UNKL: variants seen among roughly 807,000 people sequenced by gnomAD.
UNKL encodes unk like zinc finger.
UNKL carries 60 observed loss-of-function variants against 78.0 expected under a neutral mutation model. The ratio of observed to expected loss-of-function variants is 0.77; its 90% CI spans 0.63 to 0.95. The LOEUF (loss-of-function observed/expected upper bound fraction) is 0.95. Ranked by LOEUF, UNKL falls within the 40% of genes least tolerant of loss-of-function variation. UNKL has a pLI of 0.00. For missense variants in UNKL, 1,159 were observed against 1,045.7 expected (o/e 1.11, Z -1.49); for synonymous variants, 608 against 474.8 (o/e 1.28, Z -3.65).
chr16:1,364,025 G>C lies in UNKL; in HGVS notation c.*2215C>G, dbSNP rs921156897. On this transcript the variant is annotated 3_prime_UTR_variant, in exon 15 of 15. Transcript: ENST00000389221. ...ACCACTGACAACCGGGAGATGTCTCGGCAGACACCACTTATCCCAGAAAAG... is the reference window on the plus strand; with the variant it reads ...ACCACTGACAACCGGGAGATGTCTCCGCAGACACCACTTATCCCAGAAAAG... 6.6e-6 allele frequency: 1 copy of C among 152,148 alleles called. No homozygotes were observed. Among genetic ancestry groups the C allele is most frequent in the South Asian group, 2.1e-4 (1 of 4,830 alleles). The allele number at this position is 152,148 out of a possible 1,614,324, so 9.4% of individuals were successfully genotyped here.
rs2037617782 is a variant in UNKL at position 1,403,383 on chromosome 16, G to T, written c.288-39C>A. On this transcript the variant is annotated intron_variant, in intron 2 of 14. Coordinates refer to ENST00000389221, the MANE Select transcript of UNKL (RefSeq NM_001372107.1). The surrounding 1 kb of genome is among the most constrained non-coding windows in gnomAD (Gnocchi z 4.8). ...AGGCACGCAATGCCTGGTTATCATG[G>T]ACCCAGAGGCAGCCCTAAGCTCCCT... 7 of 1,596,694 alleles carry T rather than the reference G, an allele frequency of 4.4e-6. No homozygotes were observed. The African/African-American group carries it at 8.0e-5, about 18-fold the overall frequency.
At chr16:1,371,040 G>A (rs1305611588) in intron 11 of UNKL, among the ~76,000 whole-genome samples, 21 of 141,534 alleles carry the variant, frequency 1.5e-4, no homozygotes, top group Non-Finnish European at 2.7e-4. Context: ...CGGAGATCGC[G>A]CCACTGCACT....
intron 10 of UNKL, among the ~76,000 whole-genome samples, chr16:1,383,086 G>A (rs555860030): frequency 5.8e-5 from 8 of 137,148 alleles, no homozygotes; most frequent in Non-Finnish European, 1.2e-4. Context: ...GGTAAAACCC[G>A]ATCTCTACTA....
At chr16:1,367,381 A>ACCTCAC in intron 13 of UNKL, 32 bp from the exon 14 acceptor site, 2 of 1,482,098 alleles carry the variant, frequency 1.3e-6, no homozygotes, top group African/African-American at 1.7e-5. Flanking sequence ...AGCACCCCCC[A>ACCTCAC]CCTCACCTGT....
At chr16:1,413,297 G>A (rs954177528) in intron 2 of UNKL, among the ~76,000 whole-genome samples, 1 of 138,380 alleles carries the variant, frequency 7.2e-6, no homozygotes. Context: ...GGCCGGGTAC[G>A]GTGGCTCATG....
At chr16:1,412,421 G>A (rs1253350674) in intron 2 of UNKL, among the ~76,000 whole-genome samples, 1 of 152,062 alleles carries the variant, frequency 6.6e-6, no homozygotes, top group East Asian at 1.9e-4. Context: ...GACCAGCCTC[G>A]CCAACATGGC....
At chr16:1,368,059 AC>A in intron 12 of UNKL, 4 of 537,404 alleles carry the variant, frequency 7.4e-6, no homozygotes, top group South Asian at 2.7e-5. Flanking sequence ...TGACAGTGAC[AC>A]CTGCCCCGGC....
intron 10 of UNKL, among the ~76,000 whole-genome samples, chr16:1,379,938 CCTGCAG>C (rs1355299546): frequency 6.6e-6 from 1 of 152,204 alleles, no homozygotes; most frequent in Non-Finnish European, 1.5e-5. Flanking sequence ...CCCACCTGCA[CCTGCAG>C]CTGCTCCGGG....
Position 1,387,306 on chromosome 16 carries a change from G to A in UNKL, c.1087-1921C>T, listed in dbSNP as rs184975484. ...GAGCCTGGTGACAGGGTTGCTGGAAGCCTCATGTTCTCCAGCAAGCAGCCC... is the reference window on the plus strand; with the variant it reads ...GAGCCTGGTGACAGGGTTGCTGGAAACCTCATGTTCTCCAGCAAGCAGCCC... On this transcript the variant is annotated intron_variant, in intron 9 of 14. Coordinates refer to ENST00000389221, the MANE Select transcript of UNKL (RefSeq NM_001372107.1). The surrounding 1 kb of genome is among the most constrained non-coding windows in gnomAD (Gnocchi z 4.1). Among the ~76,000 whole-genome samples, 1 of 152,340 alleles carries A rather than the reference G, an allele frequency of 6.6e-6. No individual in the cohort carries two copies. Among genetic ancestry groups the A allele is most frequent in the East Asian group, 1.9e-4 (1 of 5,188 alleles).
intron 5 of UNKL, chr16:1,398,678 T>TGCGGG: frequency 3.5e-6 from 5 of 1,428,426 alleles, no homozygotes; most frequent in East Asian, 2.8e-5. Context: ...CTGTGGGGTC[T>TGCGGG]GCACCCCCCC....
chr16:1,370,490 G>T, intron 11 of UNKL, 133 bp from the exon 12 acceptor site: 1 of 1,333,918 alleles, frequency 7.5e-7, no homozygotes, highest in Non-Finnish European at 1.0e-6. Flanking sequence ...GAATATAGGG[G>T]CCAGGCCAGC....
intron 4 of UNKL, among the ~76,000 whole-genome samples, chr16:1,400,606 G>A (rs1052957420): frequency 2.0e-5 from 3 of 152,038 alleles, no homozygotes; most frequent in Non-Finnish European, 4.4e-5. Flanking sequence ...ACTAGAGAGA[G>A]GTGGCAGCTG....
At chr16:1,413,767 G>C (rs1015130019) in intron 2 of UNKL, 79 bp downstream of exon 2, 2 of 1,426,620 alleles carry the variant, frequency 1.4e-6, no homozygotes, top group African/African-American at 1.4e-5. Flanking sequence ...TAAGGCGTCC[G>C]CTGAGGGTCC....
At chr16:1,370,037 T>A in intron 12 of UNKL, 93 bp downstream of exon 12, 2 of 1,550,992 alleles carry the variant, frequency 1.3e-6, no homozygotes, top group Non-Finnish European at 1.7e-6. Context: ...GGGCACAAGG[T>A]TCCGTGTGAG....
chr16:1,399,391 G>A lies in UNKL; in HGVS notation c.717C>T (p.Pro239=), dbSNP rs1422963439. 1 of 1,600,368 alleles carries A rather than the reference G, an allele frequency of 6.2e-7. No homozygotes were observed. The highest frequency in any genetic ancestry group is 8.5e-7 in the Non-Finnish European group (1 of 1,173,270). The change falls in exon 5 of 15, where the codon CCC becomes CCT. Residue 239 remains proline (P), a synonymous_variant. Coordinates refer to ENST00000389221, the MANE Select transcript of UNKL (RefSeq NM_001372107.1). This position sits in a 1 kb window ranked among gnomAD's most constrained non-coding sequence, Gnocchi z 5.8. ...YHNSRDRRRN[P]RRFQYRSTPC... is the part of the protein sequence containing the mutation. Reference sequence around the variant, plus strand: ...AGGCTCACCTGTACTGGAACCGCCGGGGGTTGCGCCGCCTGTCCCGGCTAT... The same window carrying A: ...AGGCTCACCTGTACTGGAACCGCCGAGGGTTGCGCCGCCTGTCCCGGCTAT...
At chr16:1,391,253 C>CACAA (rs1555457643) in intron 8 of UNKL, among the ~76,000 whole-genome samples, 2 of 6,136 alleles carry the variant, frequency 3.3e-4, no homozygotes, top group African/African-American at 5.4e-4. Context: ...CACACACACA[C>CACAA]ACACACACAC....
rs764627376 is a variant in UNKL, at chr16:1,369,891, C to A, written c.1585+239G>T. 54 of 1,505,230 alleles carry A rather than the reference C, an allele frequency of 3.6e-5. 1 individual carries two copies. In the East Asian group the frequency reaches 7.9e-4, roughly 22 times the overall value. The allele number at this position is 1,505,230 out of a possible 1,614,324, so 93.2% of individuals were successfully genotyped here. The stretch of plus-strand genomic sequence containing the variant: ...TTGGGTGGCTGAGGCAGGAGAATTG[C>A]TTGAACCTGGGAGGCGGAGGTTGCG... On this transcript the variant is annotated intron_variant, in intron 12 of 14. Coordinates refer to ENST00000389221, the MANE Select transcript of UNKL (RefSeq NM_001372107.1).
intron 12 of UNKL, 102 bp from the exon 13 acceptor site, chr16:1,367,960 T>G (rs2035448149): frequency 9.2e-7 from 1 of 1,083,688 alleles, no homozygotes; most frequent in Admixed American, 2.3e-5. Context: ...GTGGGCACCC[T>G]CTGGGGCTCA....
In UNKL at chr16:1,367,366, G is replaced by T. The variant is rs754068352; in HGVS notation, c.1789-17C>A. ...ATCGCAGACCTGAAACCCAGGGCCCGTCTCAGCACCCCCCACCTCACCTGT... is the reference window on the plus strand; with the variant it reads ...ATCGCAGACCTGAAACCCAGGGCCCTTCTCAGCACCCCCCACCTCACCTGT... On this transcript the variant is annotated splice_polypyrimidine_tract_variant and intron_variant, in intron 13 of 14. Coordinates refer to ENST00000389221, the MANE Select transcript of UNKL (RefSeq NM_001372107.1). The T allele has an allele frequency of 1.3e-6, 2 of 1,529,446 alleles. No homozygotes were observed. The highest frequency in any genetic ancestry group is 1.8e-6 in the Non-Finnish European group (2 of 1,142,230). 94.7% of individuals were successfully genotyped at this position (1,529,446 alleles called of 1,614,324 possible).
Sources: allele counts gnomAD v4.1 joint callset (sites outside exome capture counted in the v4.1 genomes callset), GRCh38; gene constraint gnomAD v4.1.1; non-coding constraint Gnocchi (gnomAD v3.1); transcripts MANE v1.5; gene names NCBI Gene and HGNC (gene_info 2026-07-23, HGNC 2026-07-21).